The following BACH2 variants were observed in gnomAD, a reference collection of about 807,000 sequenced individuals.
BACH2 encodes the protein transcription regulator protein BACH2.
Under a neutral mutation model 61.8 loss-of-function variants are expected in BACH2, and 5 were observed. The ratio of observed to expected loss-of-function variants is 0.08; its 90% CI spans 0.04 to 0.17. The LOEUF is 0.17. Among genes scored for constraint, BACH2 ranks in the 10% least tolerant of loss-of-function variants. BACH2 has a pLI of 1.00. For synonymous variants in BACH2, 446 were observed against 440.1 expected (o/e 1.01, Z -0.17); for missense variants, 824 against 1,091.1 (o/e 0.76, Z 3.45).
At chr6:90,064,115 A>C (rs1385048492) in intron 5 of BACH2, among the ~76,000 whole-genome samples, 1 of 152,254 alleles carries the variant, frequency 6.6e-6, no homozygotes, top group Non-Finnish European at 1.5e-5. Context: ...TTGGGTCCTT[A>C]ATCTCCAGAA....
chr6:90,266,597 CACA>C (rs1254315114), intron 2 of BACH2, among the ~76,000 whole-genome samples: 5 of 152,094 alleles, frequency 3.3e-5, no homozygotes, highest in African/African-American at 1.2e-4. Flanking sequence ...TACTGATACA[CACA>C]ACAATACAAA....
At chr6:90,169,451 G>T (rs1370125634) in intron 4 of BACH2, among the ~76,000 whole-genome samples, 1 of 152,132 alleles carries the variant, frequency 6.6e-6, no homozygotes, top group Non-Finnish European at 1.5e-5. Flanking sequence ...GCACAGGTTG[G>T]ATCAATGAAG....
At chr6:90,262,934 G>A (rs1428708685) in intron 2 of BACH2, among the ~76,000 whole-genome samples, 1 of 152,084 alleles carries the variant, frequency 6.6e-6, no homozygotes, top group Non-Finnish European at 1.5e-5. Flanking sequence ...TGATACACAA[G>A]AAACTACACA....
chr6:90,051,121 G>A (rs1345506984), intron 5 of BACH2, among the ~76,000 whole-genome samples: 2 of 152,068 alleles, frequency 1.3e-5, no homozygotes, highest in Non-Finnish European at 2.9e-5. Flanking sequence ...CAATTGACCT[G>A]AGCATATTAA....
In BACH2 at chr6:89,927,350, A is replaced by G. The variant is rs1772407835; in HGVS notation, c.*5058T>C. 1 of 152,806 alleles carries G rather than the reference A, an allele frequency of 6.5e-6. No individual in the cohort carries two copies. The highest frequency in any genetic ancestry group is 3.2e-3 in the Middle Eastern group (1 of 316). 9.5% of individuals were successfully genotyped at this position (152,806 alleles called of 1,614,324 possible). A position where few individuals can be genotyped will look rare whatever the true frequency, so the allele number is the denominator to read the frequency against. On this transcript the variant is annotated 3_prime_UTR_variant, in exon 9 of 9. Coordinates refer to ENST00000257749, the MANE Select transcript of BACH2 (RefSeq NM_021813.4). ...GGAGGTCATAGTTCTGCCTCCAAACATGTTTTGGTAGAAGACTGAGCATCC... is the reference window on the plus strand; with the variant it reads ...GGAGGTCATAGTTCTGCCTCCAAACGTGTTTTGGTAGAAGACTGAGCATCC...
chr6:89,995,715 T>C (rs1776809168), intron 6 of BACH2, among the ~76,000 whole-genome samples: 1 of 152,188 alleles, frequency 6.6e-6, no homozygotes, highest in South Asian at 2.1e-4. Flanking sequence ...TACGTGGCAC[T>C]AGATTACAAA....
At chr6:90,020,947 T>C (rs1488298021) in intron 5 of BACH2, among the ~76,000 whole-genome samples, 1 of 152,152 alleles carries the variant, frequency 6.6e-6, no homozygotes, top group Non-Finnish European at 1.5e-5. Flanking sequence ...ATGTAGACAT[T>C]AGCTGAAATC....
intron 5 of BACH2, among the ~76,000 whole-genome samples, chr6:90,065,998 A>G (rs1780944987): frequency 6.6e-6 from 1 of 152,222 alleles, no homozygotes; most frequent in Admixed American, 6.5e-5. Context: ...AGAATATGAC[A>G]GTTCCCTAAA....
Position 90,200,211 on chromosome 6 carries a change from T to C in BACH2, c.-162+6358A>G, listed in dbSNP as rs184665880. 9.3e-4 allele frequency among the ~76,000 whole-genome samples: 141 copies of C among 152,196 alleles called. 1 individual carries two copies. Among genetic ancestry groups the C allele is most frequent in the Admixed American group, 4.1e-3 (62 of 15,284 alleles). ...TCTTAGTATTATTATAAAAATGGCT[T>C]TTATCTTGCAGGCAGACAGCCTGAA... is the stretch of plus-strand genomic sequence containing the variant. On this transcript the variant is annotated intron_variant, in intron 4 of 8. Transcript: ENST00000257749.
intron 4 of BACH2, among the ~76,000 whole-genome samples, chr6:90,197,822 A>T (rs1768810854): frequency 6.6e-6 from 1 of 152,234 alleles, no homozygotes; most frequent in Non-Finnish European, 1.5e-5. Flanking sequence ...TGTTTTAATT[A>T]AGAAAATACT....
chr6:90,277,271 G>A (rs1468552684), intron 1 of BACH2, among the ~76,000 whole-genome samples: 1 of 152,164 alleles, frequency 6.6e-6, no homozygotes, highest in Non-Finnish European at 1.5e-5. Flanking sequence ...TAGTGGTATA[G>A]TCACACAATA....
chr6:90,082,135 C>A (rs1008141756), intron 5 of BACH2, among the ~76,000 whole-genome samples: 25 of 152,222 alleles, frequency 1.6e-4, no homozygotes, highest in African/African-American at 6.0e-4. Flanking sequence ...ATTGTGAATG[C>A]GGAATGGGAA....
intron 6 of BACH2, among the ~76,000 whole-genome samples, chr6:89,960,101 C>A (rs1481918528): frequency 6.6e-6 from 1 of 152,242 alleles, no homozygotes; most frequent in Admixed American, 6.5e-5. Flanking sequence ...TTCATCCCCT[C>A]CAGCCCTAGG....
At chr6:90,217,236 T>C (rs973539624) in intron 3 of BACH2, among the ~76,000 whole-genome samples, 2 of 152,218 alleles carry the variant, frequency 1.3e-5, no homozygotes, top group Non-Finnish European at 2.9e-5. Flanking sequence ...GATCTGAGTG[T>C]CTACTATCAA....
intron 5 of BACH2, among the ~76,000 whole-genome samples, chr6:90,079,949 G>C (rs1247337532): frequency 6.6e-6 from 1 of 151,360 alleles, no homozygotes; most frequent in African/African-American, 2.4e-5. Flanking sequence ...GACTTTCAGG[G>C]AAAACAATGT....
intron 2 of BACH2, among the ~76,000 whole-genome samples, chr6:90,254,212 T>C (rs1770904202): frequency 6.6e-6 from 1 of 151,316 alleles, no homozygotes; most frequent in South Asian, 2.1e-4. Flanking sequence ...AGTATGAAGC[T>C]TGGTAAAGAG....
chr6:90,151,177 G>A (rs1209055491), intron 4 of BACH2, among the ~76,000 whole-genome samples: 1 of 152,140 alleles, frequency 6.6e-6, no homozygotes, highest in African/African-American at 2.4e-5. Context: ...CATGGCTACA[G>A]AAATCCTATG....
intron 5 of BACH2, among the ~76,000 whole-genome samples, chr6:90,026,185 C>A (rs550813278): frequency 6.6e-6 from 1 of 152,276 alleles, no homozygotes; most frequent in South Asian, 2.1e-4. Flanking sequence ...GCATTTCTGT[C>A]AAACCTAAGA....
At chr6:90,225,724 A>G (rs181433198) in intron 3 of BACH2, among the ~76,000 whole-genome samples, 60 of 152,332 alleles carry the variant, frequency 3.9e-4, no homozygotes, top group Admixed American at 2.2e-3. Context: ...ACATTTACCT[A>G]TGTAACAAAC....
Sources: gnomAD v4.1 joint callset for allele counts (sites outside exome capture counted in the v4.1 genomes callset) on GRCh38, gnomAD v4.1.1 for gene constraint, MANE v1.5 for transcripts, NCBI Gene and HGNC (gene_info 2026-07-23, HGNC 2026-07-21) for gene names.